CRACR2A: variants seen among roughly 807,000 people sequenced by gnomAD.
CRACR2A encodes the protein EF-hand calcium-binding domain-containing protein 4B.
A neutral mutation model predicts 90.5 loss-of-function variants in CRACR2A; 79 were observed. The ratio of observed to expected loss-of-function variants is 0.87; its 90% CI spans 0.73 to 1.05. CRACR2A has a LOEUF of 1.05. Ranked by LOEUF, CRACR2A falls within the 50% of genes least tolerant of loss-of-function variation. The pLI, the probability that CRACR2A is intolerant of heterozygous loss-of-function variation, is 0.00. For synonymous variants in CRACR2A, 338 were observed against 356.7 expected, an observed-to-expected ratio of 0.95 and a Z score of 0.59; for missense variants, 823 against 897.2, an observed-to-expected ratio of 0.92 and a Z score of 1.06.
rs909316148 is a variant in CRACR2A, at chr12:3,722,055, C to T, written c.-117-8738G>A. 6.6e-5 allele frequency among the ~76,000 whole-genome samples: 10 copies of T among 152,318 alleles called. No homozygotes were observed. The South Asian group carries it at 2.1e-3, about 32-fold the overall frequency. On this transcript the variant is annotated intron_variant, in intron 2 of 19. Transcript: ENST00000440314. Reference sequence around the variant, plus strand: ...ATTGTTGCTGATGCATCACCCATCACACTGGATTAGACTTGTGTACATGTC... The same window carrying T: ...ATTGTTGCTGATGCATCACCCATCATACTGGATTAGACTTGTGTACATGTC...
At chr12:3,735,342 G>T (rs73247876) in intron 1 of CRACR2A, among the ~76,000 whole-genome samples, 1 of 152,050 alleles carries the variant, frequency 6.6e-6, no homozygotes. Context: ...AGAAGGGTGC[G>T]GGGAGACCTG....
chr12:3,704,133 T>C (rs1945878427), intron 3 of CRACR2A, among the ~76,000 whole-genome samples: 1 of 152,218 alleles, frequency 6.6e-6, no homozygotes, highest in Admixed American at 6.5e-5. Flanking sequence ...CATAGCACTT[T>C]TATTTGTAAT....
chr12:3,655,377 A>C (rs1370826856), intron 9 of CRACR2A, among the ~76,000 whole-genome samples: 3 of 152,268 alleles, frequency 2.0e-5, no homozygotes, highest in African/African-American at 7.2e-5. Flanking sequence ...TTGCTGCAGA[A>C]GGAAAGAGAC....
chr12:3,699,106 G>A (rs999144937), intron 3 of CRACR2A, among the ~76,000 whole-genome samples: 9 of 152,130 alleles, frequency 5.9e-5, no homozygotes, highest in African/African-American at 2.2e-4. Flanking sequence ...TACAGATGAG[G>A]AAACTGAATT....
At chr12:3,713,402 C>G in intron 2 of CRACR2A, 85 bp from the exon 3 acceptor site, 1 of 660,126 alleles carries the variant, frequency 1.5e-6, no homozygotes, top group Non-Finnish European at 1.9e-6. Flanking sequence ...TTTGGAAAAA[C>G]TTGGGAGGAA....
intron 1 of CRACR2A, among the ~76,000 whole-genome samples, chr12:3,737,471 T>C (rs909107300): frequency 3.3e-5 from 5 of 152,166 alleles, no homozygotes; most frequent in African/African-American, 1.2e-4. Context: ...TGATCTGATT[T>C]GCATTTTTAA....
In CRACR2A at chr12:3,720,225, AAAAGAAAG is replaced by A. The variant is rs757788405; in HGVS notation, c.-117-6916_-117-6909del. On this transcript the variant is annotated intron_variant, in intron 2 of 19. Transcript: ENST00000440314. ...AGGGAGGGAGAGAGAAGAAGAAAGAAAAAGAAAGAAAGAAAGAAAGAAAGAAAGAGGGA... is the reference window on the plus strand; with the variant it reads ...AGGGAGGGAGAGAGAAGAAGAAAGAAAAAGAAAGAAAGAAAGAAAGAGGGA... Among the ~76,000 whole-genome samples, 1,233 of 125,538 alleles carry A rather than the reference AAAAGAAAG, an allele frequency of 9.8e-3. 18 individuals carry two copies. Among genetic ancestry groups the A allele is most frequent in the African/African-American group, 0.031 (977 of 31,144 alleles). 82.4% of individuals were successfully genotyped at this position (125,538 alleles called of 152,430 possible). A position where few individuals can be genotyped will look rare whatever the true frequency, so the allele number is the denominator to read the frequency against.
intron 4 of CRACR2A, among the ~76,000 whole-genome samples, chr12:3,689,706 T>C (rs759911986): frequency 5.3e-5 from 8 of 152,304 alleles, no homozygotes; most frequent in South Asian, 2.1e-4. Context: ...GCTGGCCTCA[T>C]AGAGTGAGTT....
At chr12:3,673,728 A>G (rs61907259) in intron 6 of CRACR2A, 136 bp from the exon 7 acceptor site, 156,817 of 1,101,582 alleles carry the variant, frequency 0.14, 12,183 homozygotes, top group South Asian at 0.25. Flanking sequence ...GCTAACGTGG[A>G]CCGAATGCTT....
intron 13 of CRACR2A, 57 bp downstream of exon 13, chr12:3,641,675 G>A: frequency 2.7e-6 from 4 of 1,493,698 alleles, no homozygotes; most frequent in South Asian, 2.4e-5. Flanking sequence ...TGGGCCCAGA[G>A]CCAGCTCCCA....
chr12:3,682,435 CCT>C (rs375304329), intron 4 of CRACR2A, among the ~76,000 whole-genome samples: 51 of 152,306 alleles, frequency 3.3e-4, no homozygotes, highest in African/African-American at 1.1e-3. Flanking sequence ...CCCAAATCCC[CCT>C]GTTGTCTAAT....
chr12:3,749,498 CCTT>C (rs1204916510), intron 1 of CRACR2A, among the ~76,000 whole-genome samples: 2 of 152,180 alleles, frequency 1.3e-5, no homozygotes, highest in Non-Finnish European at 2.9e-5. Context: ...TTCCTCTTTT[CCTT>C]CTTCTCTGCA....
chr12:3,716,760 GT>G (rs1388745106), intron 2 of CRACR2A, among the ~76,000 whole-genome samples: 2 of 152,056 alleles, frequency 1.3e-5, no homozygotes, highest in Admixed American at 6.5e-5. Flanking sequence ...CAAATTTGTT[GT>G]TTGTTTTTGC....
chr12:3,744,516 G>A (rs1459461200), intron 1 of CRACR2A, among the ~76,000 whole-genome samples: 1 of 152,134 alleles, frequency 6.6e-6, no homozygotes, highest in Non-Finnish European at 1.5e-5. Context: ...CACTGCCTCG[G>A]GTATGTTACT....
chr12:3,714,360 G>T (rs1946051938), intron 2 of CRACR2A, among the ~76,000 whole-genome samples: 1 of 152,154 alleles, frequency 6.6e-6, no homozygotes, highest in Non-Finnish European at 1.5e-5. Context: ...GCTGGAGCAA[G>T]ATAACCCCCT....
intron 8 of CRACR2A, among the ~76,000 whole-genome samples, chr12:3,657,336 G>A (rs2137483842): frequency 6.6e-6 from 1 of 152,340 alleles, no homozygotes. Context: ...CTCACTACCG[G>A]AGCCCCCTGG....
intron 8 of CRACR2A, among the ~76,000 whole-genome samples, chr12:3,658,384 G>A (rs536267690): frequency 9.2e-5 from 14 of 152,158 alleles, no homozygotes; most frequent in African/African-American, 1.7e-4. Flanking sequence ...GTCCGATGGC[G>A]GGGAGGTGGG....
At chr12:3,716,793 G>A (rs1171793650) in intron 2 of CRACR2A, among the ~76,000 whole-genome samples, 1 of 152,086 alleles carries the variant, frequency 6.6e-6, no homozygotes, top group African/African-American at 2.4e-5. Context: ...CAGAATTTGT[G>A]TTGCTTTGAT....
In CRACR2A at chr12:3,746,352, GCTCT is replaced by G. The variant is rs145041742; in HGVS notation, c.-387+6659_-387+6662del. ...GCCCATCATGAAGAGACACCAGAGA[GCTCT>G]CTCTCTCTCTCTCTCTCCCCATCTC... On this transcript the variant is annotated intron_variant, in intron 1 of 19. Coordinates refer to ENST00000440314, the MANE Select transcript of CRACR2A (RefSeq NM_001144958.2). This position sits in a 1 kb window ranked among gnomAD's most constrained non-coding sequence, Gnocchi z 4.4. Among the ~76,000 whole-genome samples the G allele has an allele frequency of 1.1e-4, 16 of 147,208 alleles. No homozygotes were observed. Among genetic ancestry groups the G allele is most frequent in the South Asian group, 2.2e-4 (1 of 4,570 alleles).
Sources: allele counts gnomAD v4.1 joint callset (sites outside exome capture counted in the v4.1 genomes callset), GRCh38; gene constraint gnomAD v4.1.1; non-coding constraint Gnocchi (gnomAD v3.1); transcripts MANE v1.5; gene names NCBI Gene and HGNC (gene_info 2026-07-23, HGNC 2026-07-21).